Variants in PGS1 observed in about 807,000 individuals in gnomAD.
PGS1 encodes phosphatidylglycerophosphate synthase 1, also known as CDP-diacylglycerol--glycerol-3-phosphate 3-phosphatidyltransferase, mitochondrial.
PGS1 carries 44 observed loss-of-function variants against 58.3 expected under a neutral mutation model. The ratio of observed to expected loss-of-function variants is 0.75; its 90% CI spans 0.59 to 0.97. The LOEUF (loss-of-function observed/expected upper bound fraction) is 0.97. Ranked by LOEUF, PGS1 falls within the 50% of genes least tolerant of loss-of-function variation. The pLI is 0.00. For missense variants in PGS1, 684 were observed against 731.1 expected, an observed-to-expected ratio of 0.94 and a Z score of 0.74; for synonymous variants, 330 against 311.0, an observed-to-expected ratio of 1.06 and a Z score of -0.64.
intron 9 of PGS1, chr17:78,419,966 G>T (rs978997191): frequency 7.6e-6 from 9 of 1,184,622 alleles, no homozygotes; most frequent in Non-Finnish European, 9.6e-6. Flanking sequence ...CCCTTCCCAG[G>T]GGGTCCTGAA....
At chr17:78,420,124 G>A (rs1002073855) in intron 9 of PGS1, 34 of 1,036,650 alleles carry the variant, frequency 3.3e-5, no homozygotes, top group African/African-American at 3.0e-4. Context: ...TGCCCTGGCC[G>A]GCTGTAGTGC....
chr17:78,378,818 G>A lies in PGS1; in HGVS notation c.143+10G>A. 1 of 1,439,430 alleles carries A rather than the reference G, an allele frequency of 6.9e-7. No individual in the cohort carries two copies. Among genetic ancestry groups the A allele is most frequent in the Non-Finnish European group, 9.1e-7 (1 of 1,104,460 alleles). The allele number at this position is 1,439,430 out of a possible 1,614,324, so 89.2% of individuals were successfully genotyped here. A position where few individuals can be genotyped will look rare whatever the true frequency, so the allele number is the denominator to read the frequency against. On this transcript the variant is annotated intron_variant, in intron 1 of 9. Coordinates refer to ENST00000262764, the MANE Select transcript of PGS1 (RefSeq NM_024419.5). Reference sequence around the variant, plus strand: ...ACCGCCAGCGCAGGAGGTGAGAGGGGCGGCCGGGATGAGAGTGCAGCCCTC... The same window carrying A: ...ACCGCCAGCGCAGGAGGTGAGAGGGACGGCCGGGATGAGAGTGCAGCCCTC...
At position 78,403,926 on chromosome 17, in the gene PGS1, A is replaced by C. The variant is rs766087388; in HGVS notation, c.1239A>C (p.Pro413=). 8 of 1,614,180 alleles carry C rather than the reference A, an allele frequency of 5.0e-6. No individual in the cohort carries two copies. The highest frequency in any genetic ancestry group is 6.8e-6 in the Non-Finnish European group (8 of 1,180,010). Residue 413 remains proline (P), a synonymous_variant, in exon 7 of 10, where the codon CCA becomes CCC. Transcript: ENST00000262764. ...AGTACCAGATCCTGCTGGCCTCACC[A>C]GAGGTGAATGGCTTCTTTGGGGCCA... ...RAEYQILLAS[P]EVNGFFGAKG...
intron 5 of PGS1, 125 bp downstream of exon 5, chr17:78,399,662 G>T: frequency 1.1e-6 from 1 of 883,080 alleles, no homozygotes; most frequent in Non-Finnish European, 1.7e-6. Context: ...TCTGGCTGCT[G>T]TGCACCCGCG....
chr17:78,419,705 G>C lies in PGS1; in HGVS notation c.*10+30G>C, dbSNP rs188266229. 492 of 1,610,228 alleles carry C rather than the reference G, an allele frequency of 3.1e-4. No individual in the cohort carries two copies. In the African/African-American group the frequency reaches 5.6e-3, roughly 18 times the overall value. On this transcript the variant is annotated intron_variant, in intron 9 of 9. Transcript: ENST00000262764. ...TGTCTCTAGCATCACCTCTCAGCAC[G>C]ATTTTCCCGAGAGTTCACAGGTGGG...
intron 7 of PGS1, among the ~76,000 whole-genome samples, chr17:78,406,035 G>A (rs2376584): frequency 0.36 from 52,931 of 147,624 alleles, 10,096 homozygotes; most frequent in Non-Finnish European, 0.43. Flanking sequence ...TACTGAAGCC[G>A]GCCAGGCGCG....
intron 1 of PGS1, 114 bp from the exon 2 acceptor site, chr17:78,392,357 TAACAC>T: frequency 1.6e-6 from 1 of 626,094 alleles, no homozygotes. Context: ...CTGACATTCA[TAACAC>T]AAGCAACGCA....
At chr17:78,390,344 T>A (rs2082736551) in intron 1 of PGS1, among the ~76,000 whole-genome samples, 2 of 150,892 alleles carry the variant, frequency 1.3e-5, no homozygotes, top group Admixed American at 6.6e-5. Context: ...AACAGCTGTT[T>A]CCCACCTCTG....
chr17:78,406,292 T>A (rs2084136791), intron 7 of PGS1, among the ~76,000 whole-genome samples: 1 of 151,990 alleles, frequency 6.6e-6, no homozygotes, highest in African/African-American at 2.4e-5. Context: ...CATTCCAGCC[T>A]GGGCAACAGA....
chr17:78,378,898 A>G (rs1041367720), intron 1 of PGS1, 90 bp downstream of exon 1: 10 of 1,275,080 alleles, frequency 7.8e-6, no homozygotes, highest in Non-Finnish European at 1.0e-5. Context: ...CGTCCTGGGC[A>G]TCCGCAGCGA....
intron 7 of PGS1, among the ~76,000 whole-genome samples, chr17:78,407,060 G>T (rs922527846): frequency 6.6e-6 from 1 of 152,230 alleles, no homozygotes; most frequent in Non-Finnish European, 1.5e-5. Flanking sequence ...CTGCCCTGGT[G>T]TGGGTGGTGT....
intron 2 of PGS1, among the ~76,000 whole-genome samples, chr17:78,394,051 G>T (rs1328678829): frequency 1.3e-5 from 2 of 151,662 alleles, no homozygotes; most frequent in East Asian, 3.9e-4. Context: ...ACACACCTGT[G>T]GTCCTAGCTA....
chr17:78,419,758 G>A, intron 9 of PGS1, 83 bp downstream of exon 9: 1 of 1,583,958 alleles, frequency 6.3e-7, no homozygotes, highest in Non-Finnish European at 8.6e-7. Flanking sequence ...CTCAACCAGA[G>A]CTTCCAGAGG....
At chr17:78,393,111 A>G (rs1463139276) in intron 2 of PGS1, among the ~76,000 whole-genome samples, 1 of 148,534 alleles carries the variant, frequency 6.7e-6, no homozygotes, top group East Asian at 2.0e-4. Flanking sequence ...CCCAGGCTAG[A>G]GTGCAGTGGC....
chr17:78,423,271 TC>T (rs2086096445), intron 9 of PGS1, among the ~76,000 whole-genome samples: 1 of 152,160 alleles, frequency 6.6e-6, no homozygotes, highest in African/African-American at 2.4e-5. Flanking sequence ...GTGTCCTGCA[TC>T]AGCCCAGCCA....
chr17:78,396,957 C>T lies in PGS1; in HGVS notation c.411+572C>T, dbSNP rs919019926. On this transcript the variant is annotated intron_variant, in intron 3 of 9. Coordinates refer to ENST00000262764, the MANE Select transcript of PGS1 (RefSeq NM_024419.5). ...AAGCTCCAAATATTTACTCTCTGGCCGTTTACACAAAAGGCTTTCTGACCC... is the reference window on the plus strand; with the variant it reads ...AAGCTCCAAATATTTACTCTCTGGCTGTTTACACAAAAGGCTTTCTGACCC... Among the ~76,000 whole-genome samples the T allele has an allele frequency of 1.3e-4, 20 of 152,284 alleles. No homozygotes were observed. The East Asian group carries it at 2.7e-3, about 21-fold the overall frequency.
chr17:78,410,555 C>G (rs996278201), intron 7 of PGS1, among the ~76,000 whole-genome samples: 2 of 146,294 alleles, frequency 1.4e-5, no homozygotes, highest in Non-Finnish European at 3.0e-5. Context: ...CTCACTGCAA[C>G]CTCCGCCTCC....
At position 78,404,058 on chromosome 17, in the gene PGS1, C is replaced by A; in HGVS notation, c.1371C>A (p.Tyr457Ter). 1 of 1,600,440 alleles carries A rather than the reference C, an allele frequency of 6.2e-7. No homozygotes were observed. Among genetic ancestry groups the A allele is most frequent in the Admixed American group, 1.7e-5 (1 of 58,956 alleles). The change falls in exon 7 of 10, where the codon TAC becomes TAA. Residue 457 changes from tyrosine to a stop codon, truncating the protein, a stop_gained. Transcript: ENST00000262764. LOFTEE classifies it high-confidence loss of function. ...AGGAGCGGGTCCAGCTTCAGGAGTA[C>A]TGGCGGAGGGGCTGGACGTTCCACG... ...GQQERVQLQE[Y>*]WRRGWTFHAK...
At chr17:78,410,361 G>A (rs574508967) in intron 7 of PGS1, among the ~76,000 whole-genome samples, 2 of 151,864 alleles carry the variant, frequency 1.3e-5, no homozygotes, top group South Asian at 2.1e-4. Context: ...CCCAGGAGCC[G>A]GAGGTTGCAG....
Sources: gnomAD v4.1 joint callset for allele counts (sites outside exome capture counted in the v4.1 genomes callset) on GRCh38, gnomAD v4.1.1 for gene constraint, MANE v1.5 for transcripts, NCBI Gene and HGNC (gene_info 2026-07-23, HGNC 2026-07-21) for gene names.